ALPK1: variants seen among roughly 807,000 people sequenced by gnomAD.
ALPK1 encodes alpha kinase 1, also known as alpha-protein kinase 1.
A neutral mutation model predicts 120.6 loss-of-function variants in ALPK1; 110 were observed. The observed-to-expected ratio is 0.91, with a 90% confidence interval of 0.78 to 1.07. The LOEUF (loss-of-function observed/expected upper bound fraction) is 1.07. Among genes scored for constraint, ALPK1 ranks in the 50% least tolerant of loss-of-function variants. The probability of loss-of-function intolerance (pLI) is 0.00; values close to 1 mark genes in which losing one functional copy is unlikely to be tolerated. For synonymous variants in ALPK1, 582 were observed against 560.3 expected (o/e 1.04, Z -0.55); for missense variants, 1,498 against 1,483.9 (o/e 1.01, Z -0.16).
intron 2 of ALPK1, among the ~76,000 whole-genome samples, chr4:112,339,131 G>A (rs1729750628): frequency 6.6e-6 from 1 of 152,170 alleles, no homozygotes. Context: ...GGGTAAAGAA[G>A]ATGGACCAAA....
chr4:112,393,087 T>G (rs887255951), intron 4 of ALPK1, among the ~76,000 whole-genome samples: 1 of 152,194 alleles, frequency 6.6e-6, no homozygotes, highest in African/African-American at 2.4e-5. Context: ...TGGTTGCCAT[T>G]GCAGGGGGAA....
At chr4:112,386,056 A>G (rs1732138527) in intron 4 of ALPK1, among the ~76,000 whole-genome samples, 1 of 152,252 alleles carries the variant, frequency 6.6e-6, no homozygotes, top group South Asian at 2.1e-4. Context: ...GTCACAAACA[A>G]CTGTTTTCCA....
Position 112,442,237 on chromosome 4 carries a change from A to G in ALPK1, c.*1027A>G, listed in dbSNP as rs1477607100. ...GGGAATTATGGGACTACAATTCGAG[A>G]TGAGATTTGGGTGGGGACACAAAGC... On this transcript the variant is annotated 3_prime_UTR_variant, in exon 16 of 16. Transcript: ENST00000650871. 6.6e-6 allele frequency: 1 copy of G among 152,234 alleles called. No individual in the cohort carries two copies. The highest frequency in any genetic ancestry group is 1.9e-4 in the East Asian group (1 of 5,200). 9.4% of individuals were successfully genotyped at this position (152,234 alleles called of 1,614,324 possible).
At chr4:112,396,041 T>G (rs969458749) in intron 4 of ALPK1, among the ~76,000 whole-genome samples, 2 of 152,330 alleles carry the variant, frequency 1.3e-5, no homozygotes, top group Non-Finnish European at 2.9e-5. Flanking sequence ...GGGTTAAAAT[T>G]TTCTTAGTTG....
intron 4 of ALPK1, among the ~76,000 whole-genome samples, chr4:112,403,138 C>G (rs1241209654): frequency 6.6e-6 from 1 of 152,102 alleles, no homozygotes; most frequent in Non-Finnish European, 1.5e-5. Flanking sequence ...AACTCTTTAG[C>G]ATCCCTTCCC....
chr4:112,328,948 C>T (rs1326669009), intron 2 of ALPK1, among the ~76,000 whole-genome samples: 2 of 152,158 alleles, frequency 1.3e-5, no homozygotes, highest in Middle Eastern at 3.2e-3. Context: ...GGTGAAGGGA[C>T]GTCACTAGGC....
chr4:112,368,064 C>T (rs527260041), intron 2 of ALPK1, among the ~76,000 whole-genome samples: 26 of 152,074 alleles, frequency 1.7e-4, no homozygotes, highest in African/African-American at 4.1e-4. Flanking sequence ...CACCACCACG[C>T]GCACCACCAC....
chr4:112,321,851 C>T (rs1728880325), intron 2 of ALPK1, among the ~76,000 whole-genome samples: 1 of 152,158 alleles, frequency 6.6e-6, no homozygotes, highest in Non-Finnish European at 1.5e-5. Flanking sequence ...CAGGCCATTA[C>T]TGAGTCTTAT....
At position 112,430,764 on chromosome 4, in the gene ALPK1, A is replaced by C. The variant is rs1734504610; in HGVS notation, c.1217A>C (p.Gln406Pro). The C allele has an allele frequency of 5.6e-6, 9 of 1,614,248 alleles. No homozygotes were observed. In the South Asian group the frequency reaches 8.8e-5, roughly 16 times the overall value. Residue 406 changes from glutamine (Q) to proline (P), a missense_variant, in exon 11 of 16, where the codon CAA becomes CCA. Coordinates refer to ENST00000650871, the MANE Select transcript of ALPK1 (RefSeq NM_025144.4). ...SRSQDREALS[Q>P]EVMSVIAQVK... is the part of the protein sequence containing the mutation. ...AGTCAGGACAGAGAAGCTCTGTCTCAAGAAGTTATGTCTGTGATTGCCCAG... is the reference window on the plus strand; with the variant it reads ...AGTCAGGACAGAGAAGCTCTGTCTCCAGAAGTTATGTCTGTGATTGCCCAG...
At chr4:112,306,379 T>G (rs1312753651) in intron 1 of ALPK1, among the ~76,000 whole-genome samples, 3 of 152,112 alleles carry the variant, frequency 2.0e-5, no homozygotes, top group Non-Finnish European at 2.9e-5. Flanking sequence ...TGTCTGGTCC[T>G]GGACTCTTTT....
intron 2 of ALPK1, among the ~76,000 whole-genome samples, chr4:112,361,685 C>T (rs1357286409): frequency 6.6e-6 from 1 of 152,242 alleles, no homozygotes; most frequent in Non-Finnish European, 1.5e-5. Context: ...TATGGCTCCA[C>T]CCACTGCCTG....
intron 2 of ALPK1, among the ~76,000 whole-genome samples, chr4:112,354,103 A>T (rs1730489638): frequency 6.6e-6 from 1 of 152,196 alleles, no homozygotes; most frequent in Non-Finnish European, 1.5e-5. Flanking sequence ...TTCAGGGTAG[A>T]AATCTTTTGT....
chr4:112,438,047 C>G (rs987233603), intron 12 of ALPK1, among the ~76,000 whole-genome samples: 1 of 152,006 alleles, frequency 6.6e-6, no homozygotes, highest in Non-Finnish European at 1.5e-5. Context: ...TAGGTATTGA[C>G]GGATAATAAG....
chr4:112,357,377 G>T, intron 2 of ALPK1: 2 of 703,356 alleles, frequency 2.8e-6, no homozygotes, highest in Admixed American at 2.4e-5. Context: ...AGGGCTGGGG[G>T]CCTATAAAGT....
chr4:112,297,905 C>G (rs938324817), intron 1 of ALPK1, among the ~76,000 whole-genome samples: 4 of 151,994 alleles, frequency 2.6e-5, no homozygotes, highest in African/African-American at 9.7e-5. Flanking sequence ...ATAGAAACTA[C>G]CACTTTTATG....
intron 2 of ALPK1, among the ~76,000 whole-genome samples, chr4:112,346,082 C>T (rs1730089049): frequency 6.6e-6 from 1 of 152,146 alleles, no homozygotes; most frequent in African/African-American, 2.4e-5. Context: ...AGGCTGGTCT[C>T]GAACTCCCAA....
chr4:112,436,645 G>C (rs1369256066), intron 12 of ALPK1, among the ~76,000 whole-genome samples: 5 of 152,240 alleles, frequency 3.3e-5, no homozygotes, highest in Non-Finnish European at 7.3e-5. Context: ...AGAACTGCCA[G>C]AAGCTGGGAG....
At chr4:112,397,078 T>G (rs1478435590) in intron 4 of ALPK1, among the ~76,000 whole-genome samples, 1 of 152,190 alleles carries the variant, frequency 6.6e-6, no homozygotes, top group Non-Finnish European at 1.5e-5. Flanking sequence ...TGCCTGGCCC[T>G]GTGGCGTTGT....
intron 2 of ALPK1, among the ~76,000 whole-genome samples, chr4:112,362,755 G>A (rs548468713): frequency 7.2e-5 from 11 of 152,260 alleles, no homozygotes; most frequent in Non-Finnish European, 1.0e-4. Context: ...AATTTATTGC[G>A]AAAAGATCAT....
Sources: gnomAD v4.1 joint callset for allele counts (sites outside exome capture counted in the v4.1 genomes callset) on GRCh38, gnomAD v4.1.1 for gene constraint, MANE v1.5 for transcripts, NCBI Gene and HGNC (gene_info 2026-07-23, HGNC 2026-07-21) for gene names.